Variants in TEF observed in about 807,000 individuals in gnomAD.
TEF encodes the protein TEF transcription factor, PAR bZIP family member.
A neutral mutation model predicts 20.8 loss-of-function variants in TEF; 3 were observed. The ratio of observed to expected loss-of-function variants is 0.14; its 90% CI spans 0.07 to 0.37. TEF has a LOEUF of 0.37. TEF is among the 10% of genes least tolerant of loss of function. The probability of loss-of-function intolerance (pLI) is 1.00; values close to 1 mark genes in which losing one functional copy is unlikely to be tolerated. For missense variants in TEF, 296 were observed against 397.9 expected, an observed-to-expected ratio of 0.74 and a Z score of 2.18; for synonymous variants, 180 against 171.1, an observed-to-expected ratio of 1.05 and a Z score of -0.41.
At chr22:41,370,096 C>T (rs1376196534) in intron 1 of TEF, 12 of 984,654 alleles carry the variant, frequency 1.2e-5, no homozygotes, top group Non-Finnish European at 1.4e-5. Context: ...TCTCACTCCA[C>T]TTTCTTTTAT....
At chr22:41,386,516 G>A (rs1166593796) in intron 1 of TEF, among the ~76,000 whole-genome samples, 1 of 152,018 alleles carries the variant, frequency 6.6e-6, no homozygotes, top group Non-Finnish European at 1.5e-5. Context: ...TGAGGCGGGT[G>A]GATCACCTGA....
At chr22:41,391,852 ACC>A (rs2037171326) in intron 2 of TEF, among the ~76,000 whole-genome samples, 1 of 151,540 alleles carries the variant, frequency 6.6e-6, no homozygotes, top group Non-Finnish European at 1.5e-5. Context: ...CGATCTCTTG[ACC>A]TCGTGATCCA....
chr22:41,392,376 T>C (rs920368548), intron 2 of TEF, among the ~76,000 whole-genome samples: 3 of 152,098 alleles, frequency 2.0e-5, no homozygotes, highest in African/African-American at 7.2e-5. Flanking sequence ...GTAAACTAGT[T>C]GTCATAAGAC....
chr22:41,382,227 G>C (rs750630771), intron 1 of TEF, 26 bp downstream of exon 1: 9 of 1,227,210 alleles, frequency 7.3e-6, no homozygotes, highest in Admixed American at 8.5e-5. Context: ...TGGTCCGCGC[G>C]GGCTGGGGGC....
intron 1 of TEF, among the ~76,000 whole-genome samples, chr22:41,371,792 G>A (rs1416398095): frequency 2.0e-5 from 3 of 152,222 alleles, no homozygotes; most frequent in East Asian, 1.9e-4. Context: ...CACATGCTGA[G>A]GCTCCTAGAG....
chr22:41,394,421 A>T (rs906912704), intron 3 of TEF, 105 bp downstream of exon 3: 56 of 1,115,504 alleles, frequency 5.0e-5, no homozygotes, highest in Admixed American at 1.0e-4. Flanking sequence ...CCTCCTTGTG[A>T]CACCATTTGG....
In TEF at chr22:41,386,783, G is replaced by C. The variant is rs968958402; in HGVS notation, c.158-568G>C. Among the ~76,000 whole-genome samples the C allele has an allele frequency of 7.9e-5, 12 of 152,080 alleles. No individual in the cohort carries two copies. In the East Asian group the frequency reaches 1.9e-3, roughly 24 times the overall value. ...AATAAAATAAAACAGGCCAGGCATA[G>C]TGGCTCATGCCTGTAATCCCAGCAC... On this transcript the variant is annotated intron_variant, in intron 1 of 3. Coordinates refer to ENST00000266304, the MANE Select transcript of TEF (RefSeq NM_003216.4).
rs2037108377 is a variant in TEF, at chr22:41,387,208, G to A, written c.158-143G>A. On this transcript the variant is annotated intron_variant, in intron 1 of 3. Coordinates refer to ENST00000266304, the MANE Select transcript of TEF (RefSeq NM_003216.4). ...TGGTTCAAGTGCGAGATTCGAACTGGAGAATAGAGTAGGTTCTTGAAATGC... is the reference window on the plus strand; with the variant it reads ...TGGTTCAAGTGCGAGATTCGAACTGAAGAATAGAGTAGGTTCTTGAAATGC... The A allele has an allele frequency of 6.7e-6, 6 of 901,710 alleles. No homozygotes were observed. The South Asian group carries it at 8.5e-5, about 13-fold the overall frequency. 55.9% of individuals were successfully genotyped at this position (901,710 alleles called of 1,614,324 possible).
intron 3 of TEF, among the ~76,000 whole-genome samples, chr22:41,394,862 C>T (rs1256461425): frequency 3.9e-5 from 6 of 152,176 alleles, no homozygotes; most frequent in African/African-American, 1.2e-4. Flanking sequence ...CTAGCTGTGC[C>T]TCAAGTTCCT....
chr22:41,397,200 A>T lies in TEF; in HGVS notation c.*1240A>T. On this transcript the variant is annotated 3_prime_UTR_variant, in exon 4 of 4. Coordinates refer to ENST00000266304, the MANE Select transcript of TEF (RefSeq NM_003216.4). ...TTTTACACAGGCCTAGGGTCCCCTC[A>T]GTCTTGGTCCCAGGAGATGGGGGCC... 2.5e-6 allele frequency: 1 copy of T among 398,210 alleles called. No individual in the cohort carries two copies. The highest frequency in any genetic ancestry group is 4.4e-6 in the Non-Finnish European group (1 of 226,008). 24.7% of individuals were successfully genotyped at this position (398,210 alleles called of 1,614,324 possible). A position where few individuals can be genotyped will look rare whatever the true frequency, so the allele number is the denominator to read the frequency against.
rs375332814 is a variant in TEF at position 41,374,570 on chromosome 22, G to C, written c.67+6971G>C. Among the ~76,000 whole-genome samples, 719 of 151,114 alleles carry C rather than the reference G, an allele frequency of 4.8e-3. 7 individuals carry two copies. The highest frequency in any genetic ancestry group is 0.017 in the African/African-American group (681 of 41,150). Reference sequence around the variant, plus strand: ...CTGTCTCAAAAAAAAAAAAAAATTAGCCAGGCAAGGCAGTGCACACCTGAA... The same window carrying C: ...CTGTCTCAAAAAAAAAAAAAAATTACCCAGGCAAGGCAGTGCACACCTGAA... On this transcript the variant is annotated intron_variant, in intron 1 of 3. Coordinates refer to the TEF transcript ENST00000406644.
At chr22:41,367,555 A>T in exon 1 of TEF, 1 of 1,551,362 alleles carries the variant, frequency 6.4e-7, no homozygotes, top group Non-Finnish European at 8.7e-7. Flanking sequence ...GAGGTCCTCA[A>T]GTCCCTGCTG....
chr22:41,389,966 C>T (rs2037146911), intron 2 of TEF, among the ~76,000 whole-genome samples: 1 of 150,998 alleles, frequency 6.6e-6, no homozygotes, highest in Admixed American at 6.6e-5. Context: ...GTGGCGGGGT[C>T]TCAGCTCACT....
Position 41,396,003 on chromosome 22 carries a change from C to A in TEF, c.*43C>A. The A allele has an allele frequency of 1.3e-6, 2 of 1,582,358 alleles. No homozygotes were observed. Among genetic ancestry groups the A allele is most frequent in the Non-Finnish European group, 1.7e-6 (2 of 1,157,792 alleles). ...GGCGGGGTACTGCCTGCACCTCAGA[C>A]CTCTGCCTGGGGGCTCCCTGTAACC... On this transcript the variant is annotated 3_prime_UTR_variant, in exon 4 of 4. Transcript: ENST00000266304.
chr22:41,380,017 G>A (rs567988067), upstream of TEF, among the ~76,000 whole-genome samples: 2 of 152,172 alleles, frequency 1.3e-5, no homozygotes, highest in South Asian at 2.1e-4. Context: ...TACAGTGGCA[G>A]TGAGAGCTTG....
rs749927279 is a variant in TEF at position 41,382,209 on chromosome 22, CG to C, written c.157+15del. On this transcript the variant is annotated intron_variant, in intron 1 of 3. Coordinates refer to ENST00000266304, the MANE Select transcript of TEF (RefSeq NM_003216.4). Reference sequence around the variant, plus strand: ...CGCGCGAGGCGCGCCTCGGTGAGGGCGGGGGGGTGGTCCGCGCGGGCTGGGG... The same window carrying C: ...CGCGCGAGGCGCGCCTCGGTGAGGGCGGGGGGTGGTCCGCGCGGGCTGGGG... The C allele has an allele frequency of 6.7e-5, 56 of 832,808 alleles. No homozygotes were observed. The African/African-American group carries it at 7.6e-4, about 11-fold the overall frequency. 51.6% of individuals were successfully genotyped at this position (832,808 alleles called of 1,614,324 possible).
intron 2 of TEF, among the ~76,000 whole-genome samples, chr22:41,392,569 G>A (rs1371665052): frequency 6.6e-6 from 1 of 150,854 alleles, no homozygotes; most frequent in Non-Finnish European, 1.5e-5. Context: ...AGCTACTTGG[G>A]AGGCTGAGGC....
At chr22:41,387,187 T>C (rs1186892295) in intron 1 of TEF, 164 bp from the exon 2 acceptor site, 4 of 785,588 alleles carry the variant, frequency 5.1e-6, no homozygotes, top group East Asian at 5.4e-5. Context: ...CCGGCCTGGT[T>C]CAAGTGCGAG....
At chr22:41,367,457 C>A in exon 1 of TEF, 2 of 1,441,812 alleles carry the variant, frequency 1.4e-6, no homozygotes, top group Non-Finnish European at 1.9e-6. Context: ...GCCTCTCCAG[C>A]TGCCTCTGAA....
Sources: gnomAD v4.1 joint callset for allele counts (sites outside exome capture counted in the v4.1 genomes callset) on GRCh38, gnomAD v4.1.1 for gene constraint, MANE v1.5 for transcripts, NCBI Gene and HGNC (gene_info 2026-07-23, HGNC 2026-07-21) for gene names.